The following ARSG variants were observed in gnomAD, a reference collection of about 807,000 sequenced individuals.
ARSG encodes the protein ASG.
Under a neutral mutation model 50.5 loss-of-function variants are expected in ARSG, and 37 were observed. The observed-to-expected ratio is 0.73, with a 90% confidence interval of 0.56 to 0.96. ARSG has a LOEUF of 0.96. Among genes scored for constraint, ARSG ranks in the 50% least tolerant of loss-of-function variants. The pLI, the probability that ARSG is intolerant of heterozygous loss-of-function variation, is 0.00. For missense variants in ARSG, 629 were observed against 675.3 expected, an observed-to-expected ratio of 0.93 and a Z score of 0.76; for synonymous variants, 225 against 254.6, an observed-to-expected ratio of 0.88 and a Z score of 1.11.
At chr17:68,436,618 C>T in the ARSG span, 20 of 697,706 alleles carry the variant, frequency 2.9e-5, no homozygotes, top group East Asian at 1.4e-4. Context: ...AACTGCTTTC[C>T]GCTGATGATT....
rs2080410266 is a variant in ARSG, at chr17:68,381,123, T to C, written c.983-3941T>C. ...TTTGCGAATTTCCTTGTTTGCTGCA[T>C]TGCCTTTCTGACTCAGTGAAACATG... is the stretch of plus-strand genomic sequence containing the variant. On this transcript the variant is annotated intron_variant, in intron 8 of 11. Coordinates refer to ENST00000621439, the MANE Select transcript of ARSG (RefSeq NM_001267727.2). This position sits in a 1 kb window ranked among gnomAD's most constrained non-coding sequence, Gnocchi z 4.1. Among the ~76,000 whole-genome samples the C allele has an allele frequency of 6.6e-6, 1 of 152,170 alleles. No homozygotes were observed. The highest frequency in any genetic ancestry group is 1.5e-5 in the Non-Finnish European group (1 of 68,032).
the ARSG span, chr17:68,433,616 T>A: frequency 1.3e-6 from 2 of 1,521,992 alleles, no homozygotes; most frequent in Non-Finnish European, 1.8e-6. Context: ...GCAAGAGAAA[T>A]GGGAGTTATG....
At chr17:68,443,069 A>G in the ARSG span, among the ~76,000 whole-genome samples, 5 of 152,160 alleles carry the variant, frequency 3.3e-5, no homozygotes, top group Admixed American at 1.3e-4. Flanking sequence ...ACTCCCTAAC[A>G]GCCTCAATGG....
intron 2 of ARSG, among the ~76,000 whole-genome samples, chr17:68,322,532 G>A (rs1438956687): frequency 6.6e-6 from 1 of 152,152 alleles, no homozygotes; most frequent in African/African-American, 2.4e-5. Flanking sequence ...CAGGAGAATT[G>A]CTTGAACCTG....
rs2080409542 is a variant in ARSG, at chr17:68,381,104, A to G, written c.983-3960A>G. On this transcript the variant is annotated intron_variant, in intron 8 of 11. Transcript: ENST00000621439. The surrounding 1 kb of genome is among the most constrained non-coding windows in gnomAD (Gnocchi z 4.1). ...ATTCTCTTGTATGGAGAAATTTGCG[A>G]ATTTCCTTGTTTGCTGCATTGCCTT... Among the ~76,000 whole-genome samples the G allele has an allele frequency of 6.6e-6, 1 of 152,154 alleles. No individual in the cohort carries two copies.
chr17:68,423,960 G>A (rs1344114725), downstream of ARSG, among the ~76,000 whole-genome samples: 2 of 152,190 alleles, frequency 1.3e-5, no homozygotes, highest in Non-Finnish European at 2.9e-5. The surrounding 1 kb of genome is among the most constrained non-coding windows in gnomAD (Gnocchi z 4.4). Flanking sequence ...GTGTCTGGAT[G>A]TGGTAAACCC....
chr17:68,299,543 C>T (rs1054329659), intron 1 of ARSG, among the ~76,000 whole-genome samples: 1 of 151,546 alleles, frequency 6.6e-6, no homozygotes, highest in Non-Finnish European at 1.5e-5. Context: ...AGCCAGTTTA[C>T]CAGGAAAACG....
At position 68,268,891 on chromosome 17, in the gene ARSG, TA is replaced by T. The variant is rs2075236638; in HGVS notation, c.-552+9470del. On this transcript the variant is annotated intron_variant, in intron 1 of 11. Transcript: ENST00000448504. ...GCTTGGTTGTTTTTTGTTTTGGCTTTAAAAACAAGCAAAAAAAAAAAGCTTA... is the reference window on the plus strand; with the variant it reads ...GCTTGGTTGTTTTTTGTTTTGGCTTTAAAACAAGCAAAAAAAAAAAGCTTA... 3.3e-6 allele frequency: 4 copies of T among 1,195,222 alleles called. No homozygotes were observed. The South Asian group carries it at 4.9e-5, about 15-fold the overall frequency. The allele number at this position is 1,195,222 out of a possible 1,614,324, so 74.0% of individuals were successfully genotyped here. A position where few individuals can be genotyped will look rare whatever the true frequency, so the allele number is the denominator to read the frequency against.
At chr17:68,297,946 G>A (rs1166627126) in intron 1 of ARSG, among the ~76,000 whole-genome samples, 6 of 149,714 alleles carry the variant, frequency 4.0e-5, no homozygotes, top group Admixed American at 3.4e-4. Context: ...TTGTGTTTGG[G>A]GTTGAGAAAG....
intron 1 of ARSG, among the ~76,000 whole-genome samples, chr17:68,305,644 CATTTT>C (rs1249865151): frequency 6.6e-6 from 1 of 152,158 alleles, no homozygotes; most frequent in African/African-American, 2.4e-5. Flanking sequence ...TTTTTTCTAA[CATTTT>C]ATTATGAAAA....
chr17:68,451,475 G>A, the ARSG span, among the ~76,000 whole-genome samples: 1 of 152,238 alleles, frequency 6.6e-6, no homozygotes, highest in East Asian at 1.9e-4. Context: ...CTGCAAGTCA[G>A]AGCAAAGGCA....
intron 6 of ARSG, among the ~76,000 whole-genome samples, chr17:68,361,270 T>C (rs1373456695): frequency 6.6e-6 from 1 of 152,148 alleles, no homozygotes; most frequent in African/African-American, 2.4e-5. Flanking sequence ...GAAGCCCCCA[T>C]GTTGGGATTA....
intron 8 of ARSG, among the ~76,000 whole-genome samples, chr17:68,370,788 C>A (rs145738653): frequency 6.6e-6 from 1 of 152,178 alleles, no homozygotes; most frequent in Non-Finnish European, 1.5e-5. Context: ...CTCCACCCAA[C>A]GAGCCAGTCT....
intron 1 of ARSG, among the ~76,000 whole-genome samples, chr17:68,298,642 A>G (rs2076296990): frequency 6.6e-6 from 1 of 151,588 alleles, no homozygotes; most frequent in South Asian, 2.1e-4. Flanking sequence ...GTAGACTAAC[A>G]ACAGAAATTT....
chr17:68,358,372 G>C (rs1243760975), intron 6 of ARSG, among the ~76,000 whole-genome samples: 1 of 151,864 alleles, frequency 6.6e-6, no homozygotes, highest in Non-Finnish European at 1.5e-5. Context: ...GGACAACCTG[G>C]TGAGACCTTG....
At chr17:68,276,386 A>G (rs1555750940) in intron 1 of ARSG, among the ~76,000 whole-genome samples, 1 of 152,246 alleles carries the variant, frequency 6.6e-6, no homozygotes, top group Non-Finnish European at 1.5e-5. Flanking sequence ...CAGAGATAAC[A>G]GTTCCATGAC....
chr17:68,366,907 G>T (rs1187092509), intron 6 of ARSG, among the ~76,000 whole-genome samples: 1 of 151,720 alleles, frequency 6.6e-6, no homozygotes, highest in Non-Finnish European at 1.5e-5. Context: ...TTTCTTCCCC[G>T]CAGTGCCCCG....
At chr17:68,339,352 T>C (rs2078168976) in intron 2 of ARSG, among the ~76,000 whole-genome samples, 1 of 152,152 alleles carries the variant, frequency 6.6e-6, no homozygotes, top group Non-Finnish European at 1.5e-5. Context: ...AGAGGAATAT[T>C]ATTCTTCCAT....
chr17:68,429,171 A>G, the ARSG span, among the ~76,000 whole-genome samples: 2 of 152,194 alleles, frequency 1.3e-5, no homozygotes, highest in African/African-American at 4.8e-5. Context: ...AAGTGAGTGT[A>G]GATGCTGCGA....
Sources: allele counts gnomAD v4.1 joint callset (sites outside exome capture counted in the v4.1 genomes callset), GRCh38; gene constraint gnomAD v4.1.1; non-coding constraint Gnocchi (gnomAD v3.1); transcripts MANE v1.5; gene names NCBI Gene and HGNC (gene_info 2026-07-23, HGNC 2026-07-21).